UGT1A6: variants seen among roughly 807,000 people sequenced by gnomAD.
UGT1A6 encodes UDP-glucuronosyltransferase 1A6.
In UGT1A6, 32 loss-of-function variants were observed where a neutral mutation model predicts 44.4. The ratio of observed to expected loss-of-function variants is 0.72; its 90% confidence interval spans 0.54 to 0.97. The LOEUF is 0.97. Ranked by LOEUF, UGT1A6 falls within the 50% of genes least tolerant of loss-of-function variation. The probability of loss-of-function intolerance (pLI) is 0.00; values close to 1 mark genes in which losing one functional copy is unlikely to be tolerated. For missense variants in UGT1A6, 685 were observed against 661.9 expected (o/e 1.03, Z -0.38); for synonymous variants, 238 against 248.5 (o/e 0.96, Z 0.40).
intron 1 of UGT1A6, chr2:233,750,533 C>A (rs761988421): frequency 6.6e-6 from 1 of 151,942 alleles, no homozygotes; most frequent in Non-Finnish European, 1.5e-5. Flanking sequence ...GGGAAAATGG[C>A]TTCAGTGCAC....
intron 1 of UGT1A6, among the ~76,000 whole-genome samples, chr2:233,737,566 A>G (rs560487651): frequency 6.6e-6 from 1 of 152,226 alleles, no homozygotes; most frequent in South Asian, 2.1e-4. Flanking sequence ...GGATGCACCC[A>G]CTATCCAACC....
Position 233,693,086 on chromosome 2 carries a change from A to G in UGT1A6, c.82A>G (p.Lys28Glu), listed in dbSNP as rs571652417. Residue 28 changes from lysine (K) to glutamate (E), a missense_variant, in exon 1 of 5, where the codon AAG (lysine) becomes GAG (glutamate). Coordinates refer to ENST00000305139, the MANE Select transcript of UGT1A6 (RefSeq NM_001072.4). ...ACTTTGGGGCATGGTTGTAGGTGAC[A>G]AGCTGCTGGTGGTCCCTCAGGACGG... The part of the protein sequence containing the change: ...LALWGMVVGD[K>E]LLVVPQDGSH... 6.2e-7 allele frequency: 1 copy of G among 1,614,176 alleles called. No homozygotes were observed. The highest frequency in any genetic ancestry group is 1.1e-5 in the South Asian group (1 of 91,068).
At chr2:233,766,899 A>T in intron 1 of UGT1A6, 135 bp from the exon 2 acceptor site, 2 of 1,486,470 alleles carry the variant, frequency 1.3e-6, no homozygotes, top group Non-Finnish European at 1.8e-6. Flanking sequence ...CATATTAATA[A>T]TTTTTTACTC....
At chr2:233,751,611 G>C (rs1214226831) in intron 1 of UGT1A6, among the ~76,000 whole-genome samples, 1 of 152,166 alleles carries the variant, frequency 6.6e-6, no homozygotes, top group Admixed American at 6.5e-5. Flanking sequence ...CTGGTGGGAG[G>C]TGATTGGATC....
chr2:233,693,684 C>G lies in UGT1A6; in HGVS notation c.680C>G (p.Ser227Ter). ...CCCTATCTATTTTATTGTCTGTTTTCAAAGTATGAAGAACTCGCATCAGCT... is the reference window on the plus strand; with the variant it reads ...CCCTATCTATTTTATTGTCTGTTTTGAAAGTATGAAGAACTCGCATCAGCT... Reference protein sequence around the residue: ...LEPYLFYCLFSKYEELASAVL... With the variant: ...LEPYLFYCLF The change falls in exon 1 of 5, where the codon TCA (serine) becomes TGA (stop). Residue 227 changes from serine (S) to a stop codon, truncating the protein, a stop_gained. Transcript: ENST00000305139. LOFTEE classifies it high-confidence loss of function. 6.2e-7 allele frequency: 1 copy of G among 1,614,168 alleles called. No homozygotes were observed. Among genetic ancestry groups the G allele is most frequent in the Non-Finnish European group, 8.5e-7 (1 of 1,180,034 alleles).
chr2:233,747,102 A>G, intron 1 of UGT1A6: 2 of 1,361,188 alleles, frequency 1.5e-6, no homozygotes, highest in African/African-American at 2.9e-5. Context: ...CTATCTTCCA[A>G]TTACATGATG....
intron 1 of UGT1A6, among the ~76,000 whole-genome samples, chr2:233,758,095 C>A (rs1037336650): frequency 2.0e-5 from 3 of 152,150 alleles, no homozygotes; most frequent in Non-Finnish European, 2.9e-5. Context: ...ATAGTGACTG[C>A]CATCCAGTAG....
rs1691455910 is a variant in UGT1A6, at chr2:233,740,707, G to A, written c.862-26327G>A. Reference sequence around the variant, plus strand: ...GGTGTTCATTTTAGGGATTTCAAGAGGGTCATCTTTGCACCACAGGAAATG... The same window carrying A: ...GGTGTTCATTTTAGGGATTTCAAGAAGGTCATCTTTGCACCACAGGAAATG... On this transcript the variant is annotated intron_variant, in intron 1 of 4. Coordinates refer to ENST00000305139, the MANE Select transcript of UGT1A6 (RefSeq NM_001072.4). 1.3e-5 allele frequency: 2 copies of A among 151,744 alleles called. 1 individual carries two copies. Among genetic ancestry groups the A allele is most frequent in the African/African-American group, 4.9e-5 (2 of 41,032 alleles). 9.4% of individuals were successfully genotyped at this position (151,744 alleles called of 1,614,324 possible).
chr2:233,698,318 G>A (rs2075436296), intron 1 of UGT1A6, among the ~76,000 whole-genome samples: 1 of 152,208 alleles, frequency 6.6e-6, no homozygotes, highest in Non-Finnish European at 1.5e-5. Flanking sequence ...GGAAATGTCT[G>A]GAACCAGATA....
At chr2:233,730,860 C>A (rs1179282206) in intron 1 of UGT1A6, among the ~76,000 whole-genome samples, 1 of 152,164 alleles carries the variant, frequency 6.6e-6, no homozygotes, top group Non-Finnish European at 1.5e-5. Context: ...CAAACCCACC[C>A]TACTGCACTC....
At chr2:233,727,764 G>A (rs117456176) in intron 1 of UGT1A6, among the ~76,000 whole-genome samples, 2 of 152,186 alleles carry the variant, frequency 1.3e-5, no homozygotes, top group South Asian at 4.1e-4. Context: ...CTTGAGCTGG[G>A]TGTCCCCCAG....
At chr2:233,718,796 T>A (rs1241026493) in intron 1 of UGT1A6, 7 of 1,613,058 alleles carry the variant, frequency 4.3e-6, no homozygotes, top group Non-Finnish European at 5.1e-6. Flanking sequence ...GGGTGGACAG[T>A]CAGCTGTCGG....
intron 1 of UGT1A6, among the ~76,000 whole-genome samples, chr2:233,702,761 G>T (rs2125590907): frequency 1.3e-5 from 2 of 152,252 alleles, no homozygotes; most frequent in South Asian, 4.1e-4. Flanking sequence ...AGTGATATGT[G>T]TTAATTGATT....
At chr2:233,699,295 T>C (rs1289156028) in intron 1 of UGT1A6, among the ~76,000 whole-genome samples, 1 of 152,164 alleles carries the variant, frequency 6.6e-6, no homozygotes, top group Non-Finnish European at 1.5e-5. Context: ...GCTGGGACAC[T>C]CTTATGCTGT....
At chr2:233,713,499 G>T (rs1453599075) in intron 1 of UGT1A6, 4 of 1,614,000 alleles carry the variant, frequency 2.5e-6, no homozygotes, top group Middle Eastern at 1.7e-4. Flanking sequence ...GATTCCTGCT[G>T]TGTTTTTCTT....
At chr2:233,743,902 G>A (rs770691045) in intron 1 of UGT1A6, 7 of 1,366,518 alleles carry the variant, frequency 5.1e-6, no homozygotes, top group South Asian at 1.1e-5. Context: ...CCAGCACCTC[G>A]TAGTAGTCCA....
At chr2:233,767,675 CA>C (rs1699446425) in intron 2 of UGT1A6, among the ~76,000 whole-genome samples, 173 bp from the exon 3 acceptor site, 1 of 152,180 alleles carries the variant, frequency 6.6e-6, no homozygotes, top group Non-Finnish European at 1.5e-5. Flanking sequence ...ACTAAACCTC[CA>C]AAACAAGATG....
chr2:233,716,843 C>G (rs1303779141), intron 1 of UGT1A6, among the ~76,000 whole-genome samples: 1 of 152,176 alleles, frequency 6.6e-6, no homozygotes, highest in Non-Finnish European at 1.5e-5. Context: ...ATGGCTTCAG[C>G]TACCACATAT....
At chr2:233,724,407 G>T (rs1452797462) in intron 1 of UGT1A6, among the ~76,000 whole-genome samples, 1 of 141,630 alleles carries the variant, frequency 7.1e-6, no homozygotes, top group Non-Finnish European at 1.5e-5. Flanking sequence ...CCCAGATGGG[G>T]TGGCTGCCGG....
Sources: allele counts gnomAD v4.1 joint callset (sites outside exome capture counted in the v4.1 genomes callset), GRCh38; gene constraint gnomAD v4.1.1; transcripts MANE v1.5; gene names NCBI Gene and HGNC (gene_info 2026-07-23, HGNC 2026-07-21).